Variants in ZNF780B observed in about 807,000 individuals in gnomAD.
ZNF780B encodes the protein zinc finger protein 779.
In ZNF780B, 52 loss-of-function variants were observed where a neutral mutation model predicts 74.1. That is an observed-to-expected ratio of 0.70 (90% CI 0.56 to 0.88). The LOEUF (loss-of-function observed/expected upper bound fraction) is 0.88, where lower values mean the gene tolerates loss of function less well. Ranked by LOEUF, ZNF780B falls within the 40% of genes least tolerant of loss-of-function variation. The probability of loss-of-function intolerance (pLI) is 0.00; values close to 1 mark genes in which losing one functional copy is unlikely to be tolerated. For missense variants in ZNF780B, 953 were observed against 1,007.6 expected (o/e 0.95, Z 0.73); for synonymous variants, 315 against 324.3 (o/e 0.97, Z 0.31).
At position 40,035,425 on chromosome 19, in the gene ZNF780B, A is replaced by G; in HGVS notation, c.1434T>C (p.Cys478=). The G allele has an allele frequency of 6.2e-7, 1 of 1,614,108 alleles. No individual in the cohort carries two copies. Among genetic ancestry groups the G allele is most frequent in the Non-Finnish European group, 8.5e-7 (1 of 1,180,000 alleles). ...GTGTCAGAAGACTAAAGGCCTTTCC[A>G]CATTCTTTACATTCAAAGGGTTTCC... ...TGGKPFECKE[C]GKAFSLLTQL... is the part of the protein sequence containing the mutation. Residue 478 remains cysteine, a synonymous_variant, in exon 5 of 5, where the codon TGT becomes TGC. Coordinates refer to ENST00000434248, the MANE Select transcript of ZNF780B (RefSeq NM_001005851.3).
intron 4 of ZNF780B, among the ~76,000 whole-genome samples, chr19:40,039,323 T>A (rs1457388664): frequency 6.6e-6 from 1 of 152,218 alleles, no homozygotes; most frequent in African/African-American, 2.4e-5. Flanking sequence ...AGCCTTGTAG[T>A]ATAGTTTGAA....
intron 4 of ZNF780B, among the ~76,000 whole-genome samples, chr19:40,040,372 T>C (rs1395424887): frequency 6.6e-6 from 1 of 152,200 alleles, no homozygotes; most frequent in Non-Finnish European, 1.5e-5. Flanking sequence ...TAAAATTCTC[T>C]TTTTTCGTTG....
intron 3 of ZNF780B, among the ~76,000 whole-genome samples, chr19:40,048,039 C>T (rs920247717): frequency 2.6e-5 from 4 of 152,202 alleles, no homozygotes; most frequent in African/African-American, 2.4e-5. Flanking sequence ...AAACTTTCAA[C>T]TACAAAACAA....
intron 4 of ZNF780B, among the ~76,000 whole-genome samples, chr19:40,039,324 A>G (rs1390229171): frequency 6.6e-6 from 1 of 152,152 alleles, no homozygotes; most frequent in Non-Finnish European, 1.5e-5. Flanking sequence ...GCCTTGTAGT[A>G]TAGTTTGAAG....
chr19:40,043,855 C>T (rs960120852), intron 4 of ZNF780B, among the ~76,000 whole-genome samples: 16 of 152,364 alleles, frequency 1.1e-4, no homozygotes, highest in South Asian at 4.1e-4. Flanking sequence ...TTGCACTTCC[C>T]GAGTGAGGCA....
chr19:40,049,088 A>C, intron 2 of ZNF780B: 1 of 360,586 alleles, frequency 2.8e-6, no homozygotes, highest in Non-Finnish European at 5.1e-6. Context: ...AGAAAGAAAG[A>C]ACTGTCGTGG....
At position 40,036,159 on chromosome 19, in the gene ZNF780B, T is replaced by C; in HGVS notation, c.700A>G (p.Thr234Ala). 2 of 1,613,906 alleles carry C rather than the reference T, an allele frequency of 1.2e-6. No homozygotes were observed. Among genetic ancestry groups the C allele is most frequent in the Non-Finnish European group, 1.7e-6 (2 of 1,179,956 alleles). The change falls in exon 5 of 5, where the codon ACC becomes GCC. Residue 234 changes from threonine (T) to alanine (A), a missense_variant. By Grantham distance (58) the Thr-to-Ala change is moderately conservative. Transcript: ENST00000434248. ...KECGKAFNLP[T>A]QLNRHKNIHT... ...ATGTTCTTATGGCGATTAAGCTGGGTGGGAAGATTAAAGGCTTTTCCACAT... is the reference window on the plus strand; with the variant it reads ...ATGTTCTTATGGCGATTAAGCTGGGCGGGAAGATTAAAGGCTTTTCCACAT...
intron 1 of ZNF780B, among the ~76,000 whole-genome samples, chr19:40,050,824 G>C (rs1438621146): frequency 6.6e-6 from 1 of 152,180 alleles, no homozygotes; most frequent in Non-Finnish European, 1.5e-5. Context: ...GGTGCAGTGG[G>C]GCAAGGCATG....
In ZNF780B at chr19:40,028,634, G is replaced by T. The variant is rs1303631118; in HGVS notation, c.*5723C>A. On this transcript the variant is annotated 3_prime_UTR_variant, in exon 5 of 5. Transcript: ENST00000434248. ...TGGTTGTGAGTAAAATAGTAAAACT[G>T]CCCCAAATTAAAGTGGATAAAATAT... 6.6e-6 allele frequency: 1 copy of T among 152,122 alleles called. No individual in the cohort carries two copies. Among genetic ancestry groups the T allele is most frequent in the Non-Finnish European group, 1.5e-5 (1 of 68,016 alleles). The allele number at this position is 152,122 out of a possible 1,614,324, so 9.4% of individuals were successfully genotyped here. A position where few individuals can be genotyped will look rare whatever the true frequency, so the allele number is the denominator to read the frequency against.
At chr19:40,041,115 T>C (rs1972614425) in intron 4 of ZNF780B, among the ~76,000 whole-genome samples, 4 of 152,236 alleles carry the variant, frequency 2.6e-5, no homozygotes, top group Admixed American at 1.3e-4. Context: ...GTCTTTGTTC[T>C]TGTTGGTTTC....
At position 40,048,750 on chromosome 19, in the gene ZNF780B, T is replaced by C. The variant is rs1009784979; in HGVS notation, c.56A>G (p.Glu19Gly). ...CTGATCAGGCTGCAGGCACTCCCAC[T>C]CCTCCTGAGAGAAGTCAATGGCCAC... ...RDVAIDFSQE[E>G]WECLQPDQRT... Residue 19 changes from glutamate (E) to glycine (G), a missense_variant, in exon 3 of 5, where the codon GAG becomes GGG. By Grantham distance (98) the Glu-to-Gly change is moderately conservative (BLOSUM62 -2). Coordinates refer to ENST00000434248, the MANE Select transcript of ZNF780B (RefSeq NM_001005851.3). 1.9e-6 allele frequency: 3 copies of C among 1,614,094 alleles called. No individual in the cohort carries two copies. The highest frequency in any genetic ancestry group is 1.7e-6 in the Non-Finnish European group (2 of 1,180,010).
intron 4 of ZNF780B, among the ~76,000 whole-genome samples, chr19:40,039,105 G>T (rs1404267316): frequency 6.6e-6 from 1 of 151,656 alleles, no homozygotes; most frequent in African/African-American, 2.4e-5. Flanking sequence ...GTAAGGAAGG[G>T]ATCCAGTTTC....
At chr19:40,051,373 G>C (rs1029507572) in intron 1 of ZNF780B, among the ~76,000 whole-genome samples, 1 of 151,634 alleles carries the variant, frequency 6.6e-6, no homozygotes, top group Non-Finnish European at 1.5e-5. Flanking sequence ...TCCTTTCAAC[G>C]TGGGGACAAA....
intron 4 of ZNF780B, among the ~76,000 whole-genome samples, chr19:40,045,803 T>C (rs1434334271): frequency 6.6e-6 from 1 of 151,876 alleles, no homozygotes; most frequent in South Asian, 2.1e-4. Context: ...GCCTGGCCAA[T>C]GTGGTGAAAC....
In ZNF780B at chr19:40,034,978, C is replaced by T; in HGVS notation, c.1881G>A (p.Gln627=). The T allele has an allele frequency of 5.6e-6, 9 of 1,613,796 alleles. No homozygotes were observed. Among genetic ancestry groups the T allele is most frequent in the Non-Finnish European group, 7.6e-6 (9 of 1,179,914 alleles). ...TGTGAATGTTCTTATGGTGATTAAG[C>T]TGGGTGTGAAGACTGAAGGCCTTGC... is the stretch of plus-strand genomic sequence containing the variant. ...ECGKAFSLHT[Q]LNHHKNIHTG... Residue 627 remains glutamine, a synonymous_variant, in exon 5 of 5, where the codon CAG becomes CAA. Coordinates refer to ENST00000434248, the MANE Select transcript of ZNF780B (RefSeq NM_001005851.3).
rs1568408381 is a variant in ZNF780B at position 40,036,016 on chromosome 19, C to A, written c.843G>T (p.Glu281Asp). The A allele has an allele frequency of 6.2e-7, 1 of 1,613,958 alleles. No homozygotes were observed. The highest frequency in any genetic ancestry group is 1.7e-5 in the Admixed American group (1 of 60,016). The change falls in exon 5 of 5, where the codon GAG becomes GAT. Residue 281 changes from glutamate (E) to aspartate (D), a missense_variant. Physicochemically the swap from Glu to Asp is conservative, Grantham distance 45 (BLOSUM62 2). Coordinates refer to ENST00000434248, the MANE Select transcript of ZNF780B (RefSeq NM_001005851.3). ...HAGVKPYQCKECGKAFNRGSN... is the reference protein window; with the variant it reads ...HAGVKPYQCKDCGKAFNRGSN... ...AACCACGATTAAAGGCTTTCCCACA[C>A]TCCTTACATTGATATGGTTTTACAC...
chr19:40,052,857 A>G (rs947091515), intron 1 of ZNF780B, among the ~76,000 whole-genome samples: 1 of 152,216 alleles, frequency 6.6e-6, no homozygotes, highest in African/African-American at 2.4e-5. Context: ...TCTTCAATAC[A>G]TACTGTTGTG....
At chr19:40,045,326 AC>A (rs1972884420) in intron 4 of ZNF780B, among the ~76,000 whole-genome samples, 2 of 152,244 alleles carry the variant, frequency 1.3e-5, no homozygotes, top group Non-Finnish European at 1.5e-5. Flanking sequence ...GTTTAAACAT[AC>A]CTGAGAGGAT....
At chr19:40,042,669 T>C (rs527853789) in intron 4 of ZNF780B, among the ~76,000 whole-genome samples, 2 of 152,358 alleles carry the variant, frequency 1.3e-5, no homozygotes, top group Admixed American at 6.5e-5. Context: ...CCATCACTGA[T>C]ACCCTTTCTT....
Sources: gnomAD v4.1 joint callset for allele counts (sites outside exome capture counted in the v4.1 genomes callset) on GRCh38, gnomAD v4.1.1 for gene constraint, MANE v1.5 for transcripts, NCBI Gene and HGNC (gene_info 2026-07-23, HGNC 2026-07-21) for gene names.